MSANTD2: variants seen among roughly 807,000 people sequenced by gnomAD.
MSANTD2 encodes the protein myb/SANT-like DNA-binding domain-containing protein 2.
A neutral mutation model predicts 52.6 loss-of-function variants in MSANTD2; 19 were observed. That is an observed-to-expected ratio of 0.36 (90% CI 0.25 to 0.53). The LOEUF (loss-of-function observed/expected upper bound fraction) is 0.53, where lower values mean the gene tolerates loss of function less well. Ranked by LOEUF, MSANTD2 falls within the 20% of genes least tolerant of loss-of-function variation. The pLI is 0.91. For missense variants in MSANTD2, 558 were observed against 716.3 expected (o/e 0.78, Z 2.52); for synonymous variants, 291 against 289.7 (o/e 1.00, Z -0.04).
intron 1 of MSANTD2, among the ~76,000 whole-genome samples, chr11:124,797,706 C>T (rs1193142910): frequency 6.6e-6 from 1 of 152,146 alleles, no homozygotes; most frequent in African/African-American, 2.4e-5. Context: ...TATCTGCCCT[C>T]CTTGTTAACA....
chr11:124,769,459 A>G (rs1172478211), intron 3 of MSANTD2, among the ~76,000 whole-genome samples: 1 of 152,242 alleles, frequency 6.6e-6, no homozygotes, highest in African/African-American at 2.4e-5. Flanking sequence ...TGTGGTGCTT[A>G]TGAGGCTAAG....
At chr11:124,784,968 C>A (rs1945111985) in intron 1 of MSANTD2, among the ~76,000 whole-genome samples, 1 of 152,088 alleles carries the variant, frequency 6.6e-6, no homozygotes, top group East Asian at 1.9e-4. Flanking sequence ...ATCTTCATAT[C>A]CTGACACATA....
chr11:124,773,197 G>C (rs1477079006), intron 2 of MSANTD2, 143 bp from the exon 3 acceptor site: 1 of 573,692 alleles, frequency 1.7e-6, no homozygotes, highest in Non-Finnish European at 3.1e-6. Context: ...TCCAATGTCA[G>C]ATTTATAAAT....
At chr11:124,797,817 A>AGGT (rs1290427604) in intron 1 of MSANTD2, among the ~76,000 whole-genome samples, 1 of 152,186 alleles carries the variant, frequency 6.6e-6, no homozygotes, top group African/African-American at 2.4e-5. Flanking sequence ...CAGGTAAACC[A>AGGT]ATCCTCTTCT....
At chr11:124,770,387 C>T (rs1447113073) in intron 3 of MSANTD2, among the ~76,000 whole-genome samples, 11 of 151,874 alleles carry the variant, frequency 7.2e-5, no homozygotes, top group Non-Finnish European at 1.3e-4. Context: ...GAGCTTTGAC[C>T]TCCCAGACTC....
chr11:124,772,949 A>G (rs747134416), intron 3 of MSANTD2, 45 bp downstream of exon 3: 11 of 1,243,166 alleles, frequency 8.8e-6, no homozygotes, highest in Non-Finnish European at 1.3e-5. Context: ...ATGGTCATTA[A>G]ACTTAGGCAG....
chr11:124,798,729 T>C (rs1269543791), intron 1 of MSANTD2, among the ~76,000 whole-genome samples: 1 of 152,142 alleles, frequency 6.6e-6, no homozygotes, highest in Non-Finnish European at 1.5e-5. Context: ...CCTATTAGAC[T>C]TTATTATTGC....
chr11:124,773,124 G>T, intron 2 of MSANTD2, 70 bp from the exon 3 acceptor site: 1 of 871,878 alleles, frequency 1.1e-6, no homozygotes, highest in Non-Finnish European at 1.9e-6. Flanking sequence ...TAGATAAGTA[G>T]CTATGTTTAC....
chr11:124,772,241 C>T (rs1180978529), intron 3 of MSANTD2, among the ~76,000 whole-genome samples: 1 of 152,156 alleles, frequency 6.6e-6, no homozygotes, highest in Non-Finnish European at 1.5e-5. Flanking sequence ...CTCTGGTCCG[C>T]CTATCATTTC....
chr11:124,791,041 G>C, intron 1 of MSANTD2: 2 of 492,530 alleles, frequency 4.1e-6, no homozygotes, highest in Non-Finnish European at 7.4e-6. Context: ...TTAGCAAGTT[G>C]TGACCACCTT....
chr11:124,799,511 T>C lies in MSANTD2; in HGVS notation c.510+360A>G, dbSNP rs113147972. Among the ~76,000 whole-genome samples, 420 of 151,832 alleles carry C rather than the reference T, an allele frequency of 2.8e-3. 4 individuals carry two copies. Among genetic ancestry groups the C allele is most frequent in the African/African-American group, 9.6e-3 (399 of 41,360 alleles). On this transcript the variant is annotated intron_variant, in intron 1 of 3. Transcript: ENST00000374979. ...CGGTAAGCCTCTGCCTGGGAGCCCC[T>C]CCGCCTGGAACAAAGCGAGGGGCCC...
In MSANTD2 at chr11:124,779,135, AC is replaced by A. The variant is rs771900920; in HGVS notation, c.511-4162del. 6.6e-6 allele frequency: 1 copy of A among 152,254 alleles called. No individual in the cohort carries two copies. Among genetic ancestry groups the A allele is most frequent in the Non-Finnish European group, 1.5e-5 (1 of 68,068 alleles). 9.4% of individuals were successfully genotyped at this position (152,254 alleles called of 1,614,324 possible). ...CACAGCATTCAGTTCTGGGCATCGA[AC>A]CAGCTACAAGAGAGGGAAATTGTAG... On this transcript the variant is annotated intron_variant, in intron 1 of 3. Transcript: ENST00000374979. The surrounding 1 kb of genome is among the most constrained non-coding windows in gnomAD (Gnocchi z 4.6).
chr11:124,795,831 A>G (rs894877010), intron 1 of MSANTD2, among the ~76,000 whole-genome samples: 1 of 152,204 alleles, frequency 6.6e-6, no homozygotes, highest in Non-Finnish European at 1.5e-5. Flanking sequence ...ATCACTAGAT[A>G]AAAAACTACC....
rs1345217120 is a variant in MSANTD2, at chr11:124,767,897, T to C, written c.959A>G (p.Tyr320Cys). 1 of 1,614,250 alleles carries C rather than the reference T, an allele frequency of 6.2e-7. No homozygotes were observed. Among genetic ancestry groups the C allele is most frequent in the Non-Finnish European group, 8.5e-7 (1 of 1,180,034 alleles). Residue 320 changes from tyrosine (Y) to cysteine (C), a missense_variant, in exon 4 of 4, where the codon TAT (tyrosine) becomes TGT (cysteine). Transcript: ENST00000374979. This position sits in a 1 kb window ranked among gnomAD's most constrained non-coding sequence, Gnocchi z 6.5. ...SNKLAIFGIG[Y>C]NTRWKEDIRY... ...GATATCCTCTTTCCAACGGGTGTTATAACCAATTCCAAAAATGGCCAGTTT... is the reference window on the plus strand; with the variant it reads ...GATATCCTCTTTCCAACGGGTGTTACAACCAATTCCAAAAATGGCCAGTTT...
chr11:124,769,941 GA>G (rs1196611871), intron 3 of MSANTD2, among the ~76,000 whole-genome samples: 9 of 152,234 alleles, frequency 5.9e-5, no homozygotes, highest in African/African-American at 2.2e-4. Context: ...TATTTCCTCA[GA>G]GTCTGTCAGT....
intron 1 of MSANTD2, among the ~76,000 whole-genome samples, chr11:124,786,095 CTTTT>C (rs200399771): frequency 8.7e-6 from 1 of 114,406 alleles, no homozygotes; most frequent in African/African-American, 3.3e-5. Flanking sequence ...ATCATTTCTT[CTTTT>C]TTTTTTTTTT....
chr11:124,772,998 C>A lies in MSANTD2; in HGVS notation c.823G>T (p.Ala275Ser), dbSNP rs757989880. 2.5e-6 allele frequency: 4 copies of A among 1,583,108 alleles called. No homozygotes were observed. Among genetic ancestry groups the A allele is most frequent in the Non-Finnish European group, 3.5e-6 (4 of 1,152,368 alleles). ...LKIKQESSEE[A>S]QKRDIMQNIV... ...AAAGGTGAAGCATCTACTTACTGTG[C>A]TTCTTCAGAAGACTCTTGTTTTATT... Residue 275 changes from alanine (A) to serine (S), a missense_variant, in exon 3 of 4, where the codon GCA becomes TCA. Physicochemically the swap from Ala to Ser is moderately conservative, Grantham distance 99 (BLOSUM62 1). Coordinates refer to ENST00000374979, the MANE Select transcript of MSANTD2 (RefSeq NM_001308027.2).
intron 1 of MSANTD2, among the ~76,000 whole-genome samples, chr11:124,793,999 A>G (rs1945416081): frequency 6.6e-6 from 1 of 152,232 alleles, no homozygotes; most frequent in Non-Finnish European, 1.5e-5. Context: ...ATGCCTATTT[A>G]TAACTTAAAA....
chr11:124,797,746 T>C (rs1217432667), intron 1 of MSANTD2, among the ~76,000 whole-genome samples: 1 of 152,194 alleles, frequency 6.6e-6, no homozygotes, highest in Middle Eastern at 3.2e-3. Flanking sequence ...CCCATACTCA[T>C]CAGCACATTC....
Sources: gnomAD v4.1 joint callset for allele counts (sites outside exome capture counted in the v4.1 genomes callset) on GRCh38, gnomAD v4.1.1 for gene constraint, Gnocchi (gnomAD v3.1) non-coding constraint, MANE v1.5 for transcripts, NCBI Gene and HGNC (gene_info 2026-07-23, HGNC 2026-07-21) for gene names.